The following PCED1B variants were observed in gnomAD, a reference collection of about 807,000 sequenced individuals.
PCED1B encodes PC-esterase domain containing 1B.
For missense variants in PCED1B, 573 were observed against 573.9 expected (o/e 1.00, Z 0.02); for synonymous variants, 251 against 246.1 (o/e 1.02, Z -0.19).
intron 2 of PCED1B, among the ~76,000 whole-genome samples, chr12:47,127,074 A>G (rs1380336007): frequency 6.6e-6 from 1 of 151,912 alleles, no homozygotes; most frequent in East Asian, 1.9e-4. Flanking sequence ...TTTATTTTCT[A>G]ATACTTGAGG....
At chr12:47,227,335 A>T (rs866881) in intron 3 of PCED1B, among the ~76,000 whole-genome samples, 5 of 151,666 alleles carry the variant, frequency 3.3e-5, no homozygotes, top group East Asian at 2.0e-4. Flanking sequence ...TGATGCCCAC[A>T]TAATTTTTGT....
chr12:47,219,746 GA>G (rs1943414839), intron 3 of PCED1B, among the ~76,000 whole-genome samples: 1 of 152,110 alleles, frequency 6.6e-6, no homozygotes, highest in Non-Finnish European at 1.5e-5. Context: ...TTTCAACAGA[GA>G]ATAACAAGGA....
rs1565755087 is a variant in PCED1B, at chr12:47,113,830, C to T, written c.-526+9635C>T. Among the ~76,000 whole-genome samples the T allele has an allele frequency of 2.6e-5, 4 of 151,800 alleles. 1 individual carries two copies. Among genetic ancestry groups the T allele is most frequent in the Admixed American group, 2.6e-4 (4 of 15,254 alleles). On this transcript the variant is annotated intron_variant, in intron 2 of 3. Coordinates refer to ENST00000546455, the MANE Select transcript of PCED1B (RefSeq NM_138371.3). ...TTCGAAACCAGCCTGGCCAACATGA[C>T]GAAACCCCGTCTCTACTAAAAATAC...
intron 2 of PCED1B, among the ~76,000 whole-genome samples, chr12:47,213,887 A>G (rs996485154): frequency 1.3e-5 from 2 of 152,206 alleles, no homozygotes; most frequent in African/African-American, 4.8e-5. Flanking sequence ...TTAAGTTTAA[A>G]GAGTATAAGT....
At chr12:47,110,092 A>G (rs1939126917) in intron 2 of PCED1B, among the ~76,000 whole-genome samples, 1 of 152,230 alleles carries the variant, frequency 6.6e-6, no homozygotes. Context: ...GTTAGTGGCC[A>G]GAATCATTCA....
At chr12:47,145,185 A>G (rs970111986) in intron 2 of PCED1B, among the ~76,000 whole-genome samples, 3 of 152,264 alleles carry the variant, frequency 2.0e-5, no homozygotes, top group Admixed American at 2.0e-4. Flanking sequence ...GCATTCCCTC[A>G]AGCCAAAGCC....
intron 2 of PCED1B, among the ~76,000 whole-genome samples, chr12:47,119,358 G>A (rs1217760739): frequency 1.3e-5 from 2 of 152,016 alleles, no homozygotes; most frequent in Non-Finnish European, 2.9e-5. Context: ...ATGACAACAA[G>A]CAACAAAAGA....
chr12:47,182,938 G>T (rs10881061), intron 2 of PCED1B, among the ~76,000 whole-genome samples: 1 of 151,896 alleles, frequency 6.6e-6, no homozygotes. Context: ...TGCAAATGGA[G>T]TGTCTTACTG....
intron 1 of PCED1B, among the ~76,000 whole-genome samples, chr12:47,085,088 G>T (rs1937915909): frequency 6.6e-6 from 1 of 152,220 alleles, no homozygotes; most frequent in South Asian, 2.1e-4. Flanking sequence ...AGGTTGCAGT[G>T]AGCAGAGATC....
rs575692206 is a variant in PCED1B at position 47,104,126 on chromosome 12, C to T, written c.-595C>T. The T allele has an allele frequency of 5.9e-5, 9 of 152,282 alleles. No individual in the cohort carries two copies. The East Asian group carries it at 1.5e-3, about 26-fold the overall frequency. The allele number at this position is 152,282 out of a possible 1,614,324, so 9.4% of individuals were successfully genotyped here. ...TTCACATTTCAGGTAATGAGAGGCC[C>T]TAAGATCCCAGAGGATGCCATAAGA... On this transcript the variant is annotated 5_prime_UTR_variant, in exon 2 of 4. Coordinates refer to ENST00000546455, the MANE Select transcript of PCED1B (RefSeq NM_138371.3).
intron 2 of PCED1B, among the ~76,000 whole-genome samples, chr12:47,185,250 A>G (rs934270432): frequency 2.0e-5 from 3 of 152,208 alleles, no homozygotes; most frequent in Non-Finnish European, 4.4e-5. Context: ...ATATTGAACC[A>G]GGGTGGGCCC....
chr12:47,190,409 C>A (rs1377839341), intron 2 of PCED1B, among the ~76,000 whole-genome samples: 1 of 152,222 alleles, frequency 6.6e-6, no homozygotes, highest in African/African-American at 2.4e-5. Flanking sequence ...CCCATGCATT[C>A]ACTTTGGTCG....
chr12:47,088,951 A>G (rs1195158863), intron 1 of PCED1B, among the ~76,000 whole-genome samples: 1 of 152,110 alleles, frequency 6.6e-6, no homozygotes, highest in Admixed American at 6.5e-5. Flanking sequence ...CCTTGGCTGT[A>G]TTTTTAGAAA....
intron 2 of PCED1B, among the ~76,000 whole-genome samples, chr12:47,181,976 T>A (rs1942109356): frequency 6.6e-6 from 1 of 152,238 alleles, no homozygotes; most frequent in Non-Finnish European, 1.5e-5. Flanking sequence ...ATGGAAAGGC[T>A]GAAGGCTTCA....
intron 2 of PCED1B, among the ~76,000 whole-genome samples, chr12:47,159,011 G>T (rs1328632898): frequency 6.6e-6 from 1 of 152,046 alleles, no homozygotes; most frequent in African/African-American, 2.4e-5. Flanking sequence ...TTGTCTTTCT[G>T]AACCTGGTTT....
intron 2 of PCED1B, among the ~76,000 whole-genome samples, chr12:47,188,402 G>C (rs10785664): frequency 0.43 from 64,825 of 152,010 alleles, 16,813 homozygotes; most frequent in South Asian, 0.58. Flanking sequence ...CTATGGAGAA[G>C]CATGGAATAT....
Position 47,235,921 on chromosome 12 carries a change from G to A in PCED1B, c.858G>A (p.Pro286=). Residue 286 remains proline, a synonymous_variant, in exon 4 of 4, where the codon CCG becomes CCA. Transcript: ENST00000546455. ...CGCCCCAGGCCAACAGAAATCACCC[G>A]GCCTTACCTCTGTCCCCACCCTTAC... ...EGPPQANRNH[P]ALPLSPPLPS... is the part of the protein sequence containing the mutation. The A allele has an allele frequency of 1.2e-6, 2 of 1,609,718 alleles. No homozygotes were observed. The highest frequency in any genetic ancestry group is 8.5e-7 in the Non-Finnish European group (1 of 1,178,272).
intron 3 of PCED1B, among the ~76,000 whole-genome samples, chr12:47,218,213 A>G (rs571710045): frequency 1.3e-5 from 2 of 152,368 alleles, no homozygotes; most frequent in South Asian, 4.1e-4. Context: ...AGCAGGGAGA[A>G]AAACCCCTAG....
At chr12:47,098,526 A>AG in intron 1 of PCED1B, among the ~76,000 whole-genome samples, 1 of 152,334 alleles carries the variant, frequency 6.6e-6, no homozygotes. Flanking sequence ...TCTGTCGCCC[A>AG]GGCTGGAGTG....
Sources: gnomAD v4.1 joint callset for allele counts (sites outside exome capture counted in the v4.1 genomes callset) on GRCh38, gnomAD v4.1.1 for gene constraint, MANE v1.5 for transcripts, NCBI Gene and HGNC (gene_info 2026-07-23, HGNC 2026-07-21) for gene names.